LRRC4C: variants seen among roughly 807,000 people sequenced by gnomAD.
LRRC4C encodes leucine rich repeat containing 4C.
A neutral mutation model predicts 33.6 loss-of-function variants in LRRC4C; 5 were observed. The ratio of observed to expected loss-of-function variants is 0.15; its 90% CI spans 0.08 to 0.31. LRRC4C has a LOEUF of 0.31. Among genes scored for constraint, LRRC4C ranks in the 10% least tolerant of loss-of-function variants. The pLI is 1.00. For missense variants in LRRC4C, 560 were observed against 796.7 expected, an observed-to-expected ratio of 0.70 and a Z score of 3.58; for synonymous variants, 329 against 302.0, an observed-to-expected ratio of 1.09 and a Z score of -0.93.
chr11:41,187,363 G>A (rs1274260893), intron 1 of LRRC4C, among the ~76,000 whole-genome samples: 1 of 152,184 alleles, frequency 6.6e-6, no homozygotes, highest in Non-Finnish European at 1.5e-5. Context: ...GTAACTGGAA[G>A]TCGAGAAAAA....
At chr11:41,157,225 CAG>C (rs1174366093) in intron 1 of LRRC4C, among the ~76,000 whole-genome samples, 2 of 151,952 alleles carry the variant, frequency 1.3e-5, no homozygotes, top group Non-Finnish European at 2.9e-5. Flanking sequence ...ATGTTCCAGA[CAG>C]GGGAAGATAA....
At chr11:41,043,892 C>T (rs971166114) in intron 1 of LRRC4C, among the ~76,000 whole-genome samples, 1 of 151,960 alleles carries the variant, frequency 6.6e-6, no homozygotes, top group South Asian at 2.1e-4. Flanking sequence ...CCACAACCAC[C>T]AAGAATGATG....
intron 5 of LRRC4C, among the ~76,000 whole-genome samples, chr11:40,226,298 G>A (rs749796901): frequency 6.6e-6 from 1 of 152,046 alleles, no homozygotes; most frequent in East Asian, 1.9e-4. Context: ...TTCACTATTG[G>A]GTCTTTCCTC....
chr11:40,716,417 T>C (rs574262372), intron 2 of LRRC4C, among the ~76,000 whole-genome samples: 27 of 152,268 alleles, frequency 1.8e-4, no homozygotes, highest in African/African-American at 5.5e-4. Flanking sequence ...TTTTTCATGC[T>C]GGTAATTCTT....
At chr11:40,174,755 C>A (rs1293295473) in intron 5 of LRRC4C, among the ~76,000 whole-genome samples, 1 of 152,102 alleles carries the variant, frequency 6.6e-6, no homozygotes, top group Non-Finnish European at 1.5e-5. Context: ...TAACAATAAC[C>A]AATGGATTTT....
At chr11:40,641,919 A>T (rs1408956208) in intron 3 of LRRC4C, among the ~76,000 whole-genome samples, 1 of 152,138 alleles carries the variant, frequency 6.6e-6, no homozygotes, top group Non-Finnish European at 1.5e-5. Context: ...AGACTTTATC[A>T]TAAATTGACA....
At chr11:40,606,111 A>G (rs1960559883) in intron 3 of LRRC4C, among the ~76,000 whole-genome samples, 1 of 152,188 alleles carries the variant, frequency 6.6e-6, no homozygotes. Context: ...TGTGTGTTCA[A>G]TATTTTGGCT....
chr11:40,783,687 T>G (rs1377377426), intron 2 of LRRC4C, among the ~76,000 whole-genome samples: 1 of 152,118 alleles, frequency 6.6e-6, no homozygotes, highest in African/African-American at 2.4e-5. Flanking sequence ...ATTGCAACAG[T>G]TTTGGAATTT....
chr11:40,992,666 C>T lies in LRRC4C; in HGVS notation c.-495-58943G>A, dbSNP rs569420887. ...TTTCCCCATTGATCCTGGTAACATG[C>T]TCTGAAGTCACAAAAAGGAAAGCTA... On this transcript the variant is annotated intron_variant, in intron 1 of 6. Transcript: ENST00000528697. Among the ~76,000 whole-genome samples, 4 of 152,244 alleles carry T rather than the reference C, an allele frequency of 2.6e-5. No individual in the cohort carries two copies. In the East Asian group the frequency reaches 7.7e-4, roughly 29 times the overall value.
intron 6 of LRRC4C, among the ~76,000 whole-genome samples, chr11:40,128,237 C>G (rs1459321197): frequency 6.6e-6 from 1 of 152,210 alleles, no homozygotes; most frequent in Admixed American, 6.5e-5. Context: ...AATCCCCAAA[C>G]TTGCCCCTGA....
chr11:41,450,911 A>C (rs1955998898), intron 1 of LRRC4C, among the ~76,000 whole-genome samples: 1 of 152,060 alleles, frequency 6.6e-6, no homozygotes, highest in African/African-American at 2.4e-5. Flanking sequence ...TTCCTTCTTT[A>C]ATCTTTCCCA....
intron 2 of LRRC4C, among the ~76,000 whole-genome samples, chr11:40,698,527 C>G (rs1945695600): frequency 1.3e-5 from 2 of 151,230 alleles, no homozygotes; most frequent in Admixed American, 1.3e-4. Context: ...TCTGCTTTAT[C>G]TTCAAATGGA....
At chr11:41,255,953 A>T (rs1161388587) in intron 1 of LRRC4C, among the ~76,000 whole-genome samples, 1 of 152,036 alleles carries the variant, frequency 6.6e-6, no homozygotes, top group Non-Finnish European at 1.5e-5. Flanking sequence ...ATAATATCAA[A>T]TATACCAAAT....
chr11:40,806,328 A>G (rs1565084320), intron 2 of LRRC4C, among the ~76,000 whole-genome samples: 1 of 152,208 alleles, frequency 6.6e-6, no homozygotes, highest in African/African-American at 2.4e-5. Context: ...GTCTCCATCT[A>G]TCTGTCCATG....
chr11:41,350,072 C>T (rs981451299), intron 1 of LRRC4C, among the ~76,000 whole-genome samples: 4 of 152,050 alleles, frequency 2.6e-5, no homozygotes, highest in East Asian at 1.9e-4. Context: ...AAAACTCCAC[C>T]GTACACTTGT....
intron 1 of LRRC4C, among the ~76,000 whole-genome samples, chr11:41,336,251 T>TA (rs1208727322): frequency 6.8e-4 from 102 of 149,300 alleles, no homozygotes; most frequent in African/African-American, 1.7e-3. Context: ...CCTTTTTTTT[T>TA]AAAAAAAAAA....
chr11:41,277,962 G>C (rs150068695), intron 1 of LRRC4C, among the ~76,000 whole-genome samples: 2 of 152,018 alleles, frequency 1.3e-5, no homozygotes, highest in Non-Finnish European at 2.9e-5. Context: ...TGATCCCATT[G>C]ATGTGTGGAA....
intron 1 of LRRC4C, among the ~76,000 whole-genome samples, chr11:41,218,837 G>C (rs772049470): frequency 7.2e-6 from 1 of 138,712 alleles, no homozygotes; most frequent in Non-Finnish European, 1.5e-5. Context: ...TTGCGATCTC[G>C]GCTCACAGCA....
chr11:41,186,243 G>C (rs1186638368), intron 1 of LRRC4C, among the ~76,000 whole-genome samples: 1 of 152,128 alleles, frequency 6.6e-6, no homozygotes. Flanking sequence ...TTTAGCATCA[G>C]CACAGTAATG....
Sources: allele counts gnomAD v4.1 joint callset (sites outside exome capture counted in the v4.1 genomes callset), GRCh38; gene constraint gnomAD v4.1.1; transcripts MANE v1.5; gene names NCBI Gene and HGNC (gene_info 2026-07-23, HGNC 2026-07-21).